The following SNX9 variants were observed in gnomAD, a reference collection of about 807,000 sequenced individuals.
The protein encoded by SNX9 is sorting nexin 9, also known as sorting nexin-9.
Under a neutral mutation model 89.4 loss-of-function variants are expected in SNX9, and 44 were observed. The observed-to-expected ratio is 0.49, with a 90% CI of 0.39 to 0.63. The LOEUF (loss-of-function observed/expected upper bound fraction) is 0.63, where lower values mean the gene tolerates loss of function less well. Among genes scored for constraint, SNX9 ranks in the 30% least tolerant of loss-of-function variants. The pLI is 0.00. For missense variants in SNX9, 578 were observed against 736.1 expected (o/e 0.79, Z 2.49); for synonymous variants, 236 against 247.8 (o/e 0.95, Z 0.45).
intron 4 of SNX9, among the ~76,000 whole-genome samples, chr6:157,894,063 G>A (rs904949622): frequency 2.0e-5 from 3 of 150,426 alleles, no homozygotes; most frequent in Non-Finnish European, 4.4e-5. Context: ...AAGATGTTCA[G>A]CTGGATCCCT....
Position 157,928,686 on chromosome 6 carries a change from G to T in SNX9, c.1272G>T (p.Trp424Cys), listed in dbSNP as rs1402531712. The T allele has an allele frequency of 5.6e-6, 9 of 1,605,508 alleles. No individual in the cohort carries two copies. Among genetic ancestry groups the T allele is most frequent in the Non-Finnish European group, 7.7e-6 (9 of 1,176,330 alleles). ...TGCTGACGGTGGGGCAGGAGCACTG[G>T]AAGCGCTGCACGGGCCGTAAGTCCA... ...KELLTVGQEHWKRCTGPLPKE... is the reference protein window; with the variant it reads ...KELLTVGQEHCKRCTGPLPKE... The change falls in exon 12 of 18, where the codon TGG (tryptophan) becomes TGT (cysteine). Residue 424 changes from tryptophan to cysteine, a missense_variant. Trp to Cys is a radical substitution (Grantham distance 215, BLOSUM62 -2). Around this residue, in one of 2 missense-constraint regions of SNX9, gnomAD observed 348 missense variants for 491.4 expected, o/e 0.71. Transcript: ENST00000392185.
chr6:157,838,205 GT>G lies in SNX9; in HGVS notation c.12+14763del, dbSNP rs1166116637. On this transcript the variant is annotated intron_variant, in intron 1 of 17. Transcript: ENST00000392185. Reference sequence around the variant, plus strand: ...TTTTTGTATTTTTTATAGAGATGGTGTTTTGCCATGTTGCCCAGGCTGGTCT... The same window carrying G: ...TTTTTGTATTTTTTATAGAGATGGTGTTTGCCATGTTGCCCAGGCTGGTCT... 2.6e-5 allele frequency among the ~76,000 whole-genome samples: 4 copies of G among 151,884 alleles called. No homozygotes were observed. The East Asian group carries it at 7.7e-4, about 29-fold the overall frequency.
At chr6:157,928,769 A>G (rs1281569348) in intron 12 of SNX9, 67 bp downstream of exon 12, 24 of 1,231,652 alleles carry the variant, frequency 1.9e-5, no homozygotes, top group African/African-American at 1.6e-5. Context: ...TATGTCCCTT[A>G]TCATAGAGGG....
intron 10 of SNX9, among the ~76,000 whole-genome samples, chr6:157,923,442 C>A (rs1215204477): frequency 1.5e-5 from 2 of 134,834 alleles, no homozygotes. Flanking sequence ...AAAAAAATAA[C>A]CTGTCATTTA....
chr6:157,865,924 C>T (rs951616511), intron 1 of SNX9, among the ~76,000 whole-genome samples: 14 of 152,160 alleles, frequency 9.2e-5, no homozygotes, highest in Non-Finnish European at 1.6e-4. Flanking sequence ...CTAGCCCTGT[C>T]GCTAAACTTG....
At chr6:157,937,589 C>A in intron 15 of SNX9, 66 bp downstream of exon 15, 2 of 1,065,986 alleles carry the variant, frequency 1.9e-6, no homozygotes, top group South Asian at 2.7e-5. Context: ...GCGCAGTAGT[C>A]AGTATTGGTT....
chr6:157,827,703 G>T lies in SNX9; in HGVS notation c.12+4257G>T, dbSNP rs1225818319. On this transcript the variant is annotated intron_variant, in intron 1 of 17. Transcript: ENST00000392185. ...AATTTTTTTTCAGTGTCTGTCAAAG[G>T]GGACATGAAGAAAATTGTTAGTGGA... 2.0e-5 allele frequency among the ~76,000 whole-genome samples: 3 copies of T among 149,556 alleles called. No homozygotes were observed. In the East Asian group the frequency reaches 5.8e-4, roughly 29 times the overall value.
chr6:157,863,653 T>C (rs1461458880), intron 1 of SNX9, among the ~76,000 whole-genome samples: 1 of 152,050 alleles, frequency 6.6e-6, no homozygotes, highest in Non-Finnish European at 1.5e-5. Flanking sequence ...ACATGGAAAA[T>C]AGATGGCAGT....
At chr6:157,861,077 A>G (rs1782110196) in intron 1 of SNX9, among the ~76,000 whole-genome samples, 1 of 152,234 alleles carries the variant, frequency 6.6e-6, no homozygotes, top group African/African-American at 2.4e-5. Context: ...ATATCAATTT[A>G]CCAGTAGTTT....
chr6:157,935,894 A>G, intron 13 of SNX9, 70 bp from the exon 14 acceptor site: 1 of 1,087,074 alleles, frequency 9.2e-7, no homozygotes. Flanking sequence ...TAAAATCAAT[A>G]ATAAAATTTT....
chr6:157,838,613 A>G (rs1781631762), intron 1 of SNX9, among the ~76,000 whole-genome samples: 1 of 152,198 alleles, frequency 6.6e-6, no homozygotes, highest in Non-Finnish European at 1.5e-5. Context: ...TGAAAATTTT[A>G]TGTAGAAGTG....
intron 4 of SNX9, among the ~76,000 whole-genome samples, chr6:157,884,021 A>G (rs1782682220): frequency 6.6e-6 from 1 of 152,222 alleles, no homozygotes; most frequent in African/African-American, 2.4e-5. Flanking sequence ...AATGTAAGGT[A>G]TTAAAAGACT....
In SNX9 at chr6:157,938,770, A is replaced by C. The variant is rs200955338; in HGVS notation, c.1648+23A>C. ...AAGGTAAGATGAAAGGGTCCTTATGAGGTGCTGGTGGAAGTTTTTTTTTCC... is the reference window on the plus strand; with the variant it reads ...AAGGTAAGATGAAAGGGTCCTTATGCGGTGCTGGTGGAAGTTTTTTTTTCC... On this transcript the variant is annotated intron_variant, in intron 16 of 17. Coordinates refer to ENST00000392185, the MANE Select transcript of SNX9 (RefSeq NM_016224.5). 9 of 1,574,936 alleles carry C rather than the reference A, an allele frequency of 5.7e-6. No individual in the cohort carries two copies. In the African/African-American group the frequency reaches 1.2e-4, roughly 22 times the overall value.
chr6:157,827,877 T>A (rs1173714772), intron 1 of SNX9, among the ~76,000 whole-genome samples: 1 of 148,592 alleles, frequency 6.7e-6, no homozygotes, highest in Middle Eastern at 3.2e-3. Flanking sequence ...TTTTTTTTTT[T>A]AACTCTTCGG....
At chr6:157,935,933 T>C in intron 13 of SNX9, 31 bp from the exon 14 acceptor site, 2 of 1,533,636 alleles carry the variant, frequency 1.3e-6, no homozygotes, top group Non-Finnish European at 1.8e-6. Flanking sequence ...ATGCATAACT[T>C]ATAACCACTG....
At chr6:157,932,671 G>C (rs1783835336) in intron 13 of SNX9, among the ~76,000 whole-genome samples, 2 of 151,644 alleles carry the variant, frequency 1.3e-5, no homozygotes, top group Non-Finnish European at 2.9e-5. Flanking sequence ...TTTGAGACCA[G>C]CCTGGGCAAC....
chr6:157,902,846 T>G (rs1263262304), intron 6 of SNX9, among the ~76,000 whole-genome samples: 1 of 152,076 alleles, frequency 6.6e-6, no homozygotes, highest in African/African-American at 2.4e-5. Context: ...TTTTGTATTT[T>G]TAGTAGAGAC....
chr6:157,836,826 C>T (rs1261027926), intron 1 of SNX9, among the ~76,000 whole-genome samples: 3 of 152,050 alleles, frequency 2.0e-5, no homozygotes, highest in Non-Finnish European at 2.9e-5. Flanking sequence ...CTCCTGACCT[C>T]GTGATCCGCC....
Position 157,893,196 on chromosome 6 carries a change from G to A in SNX9, c.301-3631G>A, listed in dbSNP as rs565994548. Among the ~76,000 whole-genome samples, 3 of 152,290 alleles carry A rather than the reference G, an allele frequency of 2.0e-5. No individual in the cohort carries two copies. In the South Asian group the frequency reaches 6.2e-4, roughly 32 times the overall value. ...CTCTTAGCTGAAGTGTGACTGCCAG[G>A]CCCTCAGCATGATTGCCTTCATTTC... On this transcript the variant is annotated intron_variant, in intron 4 of 17. Coordinates refer to ENST00000392185, the MANE Select transcript of SNX9 (RefSeq NM_016224.5).
Sources: gnomAD v4.1 joint callset for allele counts (sites outside exome capture counted in the v4.1 genomes callset) on GRCh38, gnomAD v4.1.1 for gene constraint, gnomAD v4.1.1 regional missense constraint, MANE v1.5 for transcripts, NCBI Gene and HGNC (gene_info 2026-07-23, HGNC 2026-07-21) for gene names.